The following PSMF1 variants were observed in gnomAD, a reference collection of about 807,000 sequenced individuals.
PSMF1 encodes proteasome inhibitor subunit 1.
A neutral mutation model predicts 29.3 loss-of-function variants in PSMF1; 30 were observed. The ratio of observed to expected loss-of-function variants is 1.02; its 90% CI spans 0.77 to 1.39. PSMF1 has a LOEUF of 1.39. PSMF1 is among the 40% of genes most tolerant of loss of function. The pLI is 0.00. For synonymous variants in PSMF1, 134 were observed against 139.7 expected, an observed-to-expected ratio of 0.96 and a Z score of 0.29; for missense variants, 344 against 357.5, an observed-to-expected ratio of 0.96 and a Z score of 0.31.
At chr20:1,139,865 A>G (rs903106792) in intron 4 of PSMF1, among the ~76,000 whole-genome samples, 1 of 152,252 alleles carries the variant, frequency 6.6e-6, no homozygotes, top group African/African-American at 2.4e-5. Flanking sequence ...GTAAAAATAA[A>G]TTTAACAAAA....
rs12625428 is a variant in PSMF1, at chr20:1,133,612, C to T, written c.366-1509C>T. On this transcript the variant is annotated intron_variant, in intron 3 of 6. Transcript: ENST00000335877. ...GTGTAGTCTTTGCCTGGTTTTGATA[C>T]CAGAGTAATACTGGTCTCATGAAAT... Among the ~76,000 whole-genome samples the T allele has an allele frequency of 5.5e-3, 501 of 91,382 alleles. 13 individuals carry two copies. In the East Asian group the frequency reaches 0.071, roughly 13 times the overall value. 60.0% of individuals were successfully genotyped at this position (91,382 alleles called of 152,430 possible).
intron 3 of PSMF1, among the ~76,000 whole-genome samples, chr20:1,127,836 T>TC (rs2086178930): frequency 6.6e-6 from 1 of 152,180 alleles, no homozygotes; most frequent in East Asian, 1.9e-4. Context: ...AACCCCAATC[T>TC]CCAACTTATT....
chr20:1,147,170 T>TCAC (rs771219138), intron 4 of PSMF1, among the ~76,000 whole-genome samples: 44 of 116,218 alleles, frequency 3.8e-4, no homozygotes, highest in South Asian at 9.1e-4. Context: ...ATCATCATCA[T>TCAC]CATCATCACC....
At position 1,166,230 on chromosome 20, in the gene PSMF1, G is replaced by A. The variant is rs539178062; in HGVS notation, c.*1150G>A. 37 of 1,612,410 alleles carry A rather than the reference G, an allele frequency of 2.3e-5. No homozygotes were observed. The South Asian group carries it at 3.5e-4, about 15-fold the overall frequency. On this transcript the variant is annotated 3_prime_UTR_variant, in exon 7 of 7. Coordinates refer to ENST00000335877, the MANE Select transcript of PSMF1 (RefSeq NM_006814.5). The stretch of plus-strand genomic sequence containing the variant: ...GTGTTCTCCGGATCCTTTTCAGCCC[G>A]AGGCCTGACAGACGCGGGCAGTGAT...
chr20:1,124,668 T>G (rs886312623), intron 1 of PSMF1, among the ~76,000 whole-genome samples: 1 of 152,254 alleles, frequency 6.6e-6, no homozygotes, highest in South Asian at 2.1e-4. Flanking sequence ...GATGTATAAA[T>G]TGCAGCATAG....
chr20:1,150,487 C>T (rs1465371145), intron 4 of PSMF1, among the ~76,000 whole-genome samples: 1 of 152,046 alleles, frequency 6.6e-6, no homozygotes, highest in Admixed American at 6.6e-5. Context: ...ATAGTTTTGA[C>T]CTCATGGGAC....
intron 4 of PSMF1, among the ~76,000 whole-genome samples, chr20:1,141,643 C>G (rs148560791): frequency 1.7e-3 from 257 of 152,226 alleles, no homozygotes; most frequent in Middle Eastern, 3.4e-3. Context: ...TCTGACCACT[C>G]TTATTCAGCA....
intron 1 of PSMF1, among the ~76,000 whole-genome samples, chr20:1,124,199 T>G (rs2086124962): frequency 6.6e-6 from 1 of 152,226 alleles, no homozygotes. Context: ...GGATCTTGTT[T>G]AAGAAATCTT....
intron 1 of PSMF1, chr20:1,113,532 AGGACCCTGGG>A (rs71191993): frequency 0.2 from 30,869 of 150,604 alleles, 3,384 homozygotes; most frequent in Middle Eastern, 0.28. Context: ...CCATCCCTGG[AGGACCCTGGG>A]GTTCAGGACA....
chr20:1,119,793 G>C lies in PSMF1; in HGVS notation c.129+891G>C, dbSNP rs549155356. On this transcript the variant is annotated intron_variant, in intron 1 of 6. Coordinates refer to ENST00000335877, the MANE Select transcript of PSMF1 (RefSeq NM_006814.5). ...CATCATCCTAGACATCTGCTTCCTG[G>C]GAGAAGTGGGCCTGCCTCCATGCCT... is the stretch of plus-strand genomic sequence containing the variant. Among the ~76,000 whole-genome samples the C allele has an allele frequency of 9.2e-5, 14 of 152,178 alleles. No individual in the cohort carries two copies. In the South Asian group the frequency reaches 2.9e-3, roughly 32 times the overall value.
At position 1,164,964 on chromosome 20, in the gene PSMF1, A is replaced by C; in HGVS notation, c.765-65A>C. On this transcript the variant is annotated intron_variant, in intron 6 of 6. Transcript: ENST00000335877. This position sits in a 1 kb window ranked among gnomAD's most constrained non-coding sequence, Gnocchi z 4.1. ...GGGCAGGCTCCCTCAGTGCAGGGTC[A>C]TGTCTGCCCATGTTCCCCTGGTCTC... is the stretch of plus-strand genomic sequence containing the variant. The C allele has an allele frequency of 4.3e-6, 6 of 1,387,318 alleles. No homozygotes were observed. The South Asian group carries it at 7.0e-5, about 16-fold the overall frequency. The allele number at this position is 1,387,318 out of a possible 1,614,324, so 85.9% of individuals were successfully genotyped here.
Position 1,165,725 on chromosome 20 carries a change from T to C in PSMF1, c.*645T>C, listed in dbSNP as rs1366882735. 13 of 1,006,088 alleles carry C rather than the reference T, an allele frequency of 1.3e-5. No individual in the cohort carries two copies. Among genetic ancestry groups the C allele is most frequent in the Non-Finnish European group, 1.5e-5 (13 of 841,618 alleles). 62.3% of individuals were successfully genotyped at this position (1,006,088 alleles called of 1,614,324 possible). ...AATGACTTTCACAAGGGCAGGAACA[T>C]TGTGGAAAGACTGCATCATTCTGAT... On this transcript the variant is annotated 3_prime_UTR_variant, in exon 7 of 7. Transcript: ENST00000335877.
chr20:1,114,099 G>A (rs189538073), upstream of PSMF1, among the ~76,000 whole-genome samples: 160 of 152,286 alleles, frequency 1.1e-3, 1 homozygote, highest in African/African-American at 3.3e-3. Context: ...ACCTCTAGAC[G>A]CAAAGACTGC....
intron 3 of PSMF1, among the ~76,000 whole-genome samples, chr20:1,129,227 G>T (rs2086198945): frequency 6.6e-6 from 1 of 152,108 alleles, no homozygotes; most frequent in South Asian, 2.1e-4. Context: ...GGCCAGGCTG[G>T]TGTCGAACTC....
chr20:1,146,886 A>C (rs1006423675), intron 4 of PSMF1, among the ~76,000 whole-genome samples: 1 of 152,192 alleles, frequency 6.6e-6, no homozygotes, highest in Admixed American at 6.5e-5. Flanking sequence ...GTGGTCTAGT[A>C]ACTGGTCACT....
rs758653187 is a variant in PSMF1 at position 1,164,377 on chromosome 20, T to C, written c.665T>C (p.Ile222Thr). 8.1e-6 allele frequency: 13 copies of C among 1,613,924 alleles called. No homozygotes were observed. The highest frequency in any genetic ancestry group is 7.7e-5 in the South Asian group (7 of 91,090). The change falls in exon 6 of 7, where the codon ATT becomes ACT. Residue 222 changes from isoleucine (I) to threonine (T), a missense_variant. Transcript: ENST00000335877. This position sits in a 1 kb window ranked among gnomAD's most constrained non-coding sequence, Gnocchi z 4.1. The part of the protein sequence containing the change: ...PLRSGFPRAL[I>T]DPSSGLPNRL... Reference sequence around the variant, plus strand: ...AGATCTGGCTTCCCAAGAGCACTTATTGACCCTTCCTCAGGCCTCCCGAAC... The same window carrying C: ...AGATCTGGCTTCCCAAGAGCACTTACTGACCCTTCCTCAGGCCTCCCGAAC...
intron 4 of PSMF1, among the ~76,000 whole-genome samples, chr20:1,135,756 T>C (rs1322506871): frequency 6.6e-6 from 1 of 152,216 alleles, no homozygotes; most frequent in East Asian, 1.9e-4. Flanking sequence ...TTTCATTTCA[T>C]TGTAGTCCCC....
Position 1,118,643 on chromosome 20 carries a change from G to C in PSMF1, c.-131G>C. 8.5e-7 allele frequency: 1 copy of C among 1,172,240 alleles called. No individual in the cohort carries two copies. The highest frequency in any genetic ancestry group is 1.2e-6 in the Non-Finnish European group (1 of 864,364). The allele number at this position is 1,172,240 out of a possible 1,614,324, so 72.6% of individuals were successfully genotyped here. A position where few individuals can be genotyped will look rare whatever the true frequency, so the allele number is the denominator to read the frequency against. ...CCCGTCCCCGGGCGTCTCCATTTTGGTCTCAGGTGTGGACTCGGCAAGAAC... is the reference window on the plus strand; with the variant it reads ...CCCGTCCCCGGGCGTCTCCATTTTGCTCTCAGGTGTGGACTCGGCAAGAAC... On this transcript the variant is annotated 5_prime_UTR_variant, in exon 1 of 7. Transcript: ENST00000335877.
chr20:1,159,473 T>A (rs916771699), intron 4 of PSMF1, among the ~76,000 whole-genome samples: 3 of 152,188 alleles, frequency 2.0e-5, no homozygotes, highest in Non-Finnish European at 2.9e-5. Context: ...GCAACTGCCT[T>A]TCTAGCCTTT....
Sources: gnomAD v4.1 joint callset for allele counts (sites outside exome capture counted in the v4.1 genomes callset) on GRCh38, gnomAD v4.1.1 for gene constraint, Gnocchi (gnomAD v3.1) non-coding constraint, MANE v1.5 for transcripts, NCBI Gene and HGNC (gene_info 2026-07-23, HGNC 2026-07-21) for gene names.